The following TP63 variants were observed in gnomAD, a reference collection of about 807,000 sequenced individuals.
TP63 encodes tumor protein p63, also known as tumor protein 63.
A neutral mutation model predicts 82.8 loss-of-function variants in TP63; 17 were observed. The ratio of observed to expected loss-of-function variants is 0.21; its 90% CI spans 0.14 to 0.31. The LOEUF (loss-of-function observed/expected upper bound fraction) is 0.31. Ranked by LOEUF, TP63 falls within the 10% of genes least tolerant of loss-of-function variation. TP63 has a pLI of 1.00. For missense variants in TP63, 648 were observed against 895.3 expected (o/e 0.72, Z 3.52); for synonymous variants, 330 against 321.7 (o/e 1.03, Z -0.28).
At position 189,694,302 on chromosome 3, in the gene TP63, A is replaced by G. The variant is rs1016507002; in HGVS notation, c.63-43438A>G. ...ACATTATTATGGTATATTTGCCACAACGAATGAACTAATAGTGATACATTA... is the reference window on the plus strand; with the variant it reads ...ACATTATTATGGTATATTTGCCACAGCGAATGAACTAATAGTGATACATTA... On this transcript the variant is annotated intron_variant, in intron 1 of 13. Transcript: ENST00000264731. Among the ~76,000 whole-genome samples the G allele has an allele frequency of 5.9e-5, 9 of 152,210 alleles. No individual in the cohort carries two copies. In the South Asian group the frequency reaches 1.0e-3, roughly 18 times the overall value.
At chr3:189,773,991 T>C (rs1018015318) in intron 3 of TP63, among the ~76,000 whole-genome samples, 17 of 145,710 alleles carry the variant, frequency 1.2e-4, no homozygotes, top group African/African-American at 2.8e-4. Context: ...GGCACGATCT[T>C]GGCTCACTGC....
chr3:189,623,737 G>A, the TP63 span, among the ~76,000 whole-genome samples: 1 of 152,102 alleles, frequency 6.6e-6, no homozygotes, highest in Non-Finnish European at 1.5e-5. Flanking sequence ...TAGGAATTTA[G>A]GTCCCATCAC....
At chr3:189,728,553 A>G (rs1218290635) in intron 1 of TP63, among the ~76,000 whole-genome samples, 1 of 152,206 alleles carries the variant, frequency 6.6e-6, no homozygotes, top group Admixed American at 6.5e-5. Flanking sequence ...AAGGATGAAA[A>G]CAACCTGTAG....
chr3:189,621,064 A>G, the TP63 span, among the ~76,000 whole-genome samples: 1 of 152,210 alleles, frequency 6.6e-6, no homozygotes, highest in African/African-American at 2.4e-5. Flanking sequence ...TTATCCCATG[A>G]CTAAAGCTTC....
At chr3:189,869,286 G>C (rs2108808857) in intron 8 of TP63, 38 bp from the exon 9 acceptor site, 1 of 1,522,376 alleles carries the variant, frequency 6.6e-7, no homozygotes, top group South Asian at 1.1e-5. Flanking sequence ...TGCTTTAGAA[G>C]TGTTCCCAGG....
chr3:189,714,264 C>G (rs1416584728), intron 1 of TP63, among the ~76,000 whole-genome samples: 2 of 152,154 alleles, frequency 1.3e-5, no homozygotes, highest in African/African-American at 2.4e-5. Context: ...CTATTATTCT[C>G]TGCCATGACT....
intron 4 of TP63, among the ~76,000 whole-genome samples, chr3:189,828,772 A>G (rs1287493700): frequency 6.6e-6 from 1 of 152,198 alleles, no homozygotes; most frequent in Non-Finnish European, 1.5e-5. Context: ...AAACATATTG[A>G]GCTAAATCTT....
intron 12 of TP63, among the ~76,000 whole-genome samples, chr3:189,890,085 T>C (rs1720860207): frequency 1.3e-5 from 2 of 152,192 alleles, no homozygotes; most frequent in African/African-American, 4.8e-5. Flanking sequence ...AAGAGTAGGT[T>C]CCCAGATTTC....
chr3:189,868,051 G>C (rs748757767), intron 7 of TP63, 109 bp downstream of exon 7: 2 of 899,944 alleles, frequency 2.2e-6, no homozygotes, highest in Non-Finnish European at 3.6e-6. Flanking sequence ...CGGAGAGCTT[G>C]TCCTTTGTGC....
At chr3:189,798,393 A>G (rs1725940726) in intron 3 of TP63, among the ~76,000 whole-genome samples, 1 of 152,080 alleles carries the variant, frequency 6.6e-6, no homozygotes, top group African/African-American at 2.4e-5. Flanking sequence ...AATAGCAAGA[A>G]AGTTTTTGAA....
rs190248048 is a variant in TP63, at chr3:189,844,529, G to A, written c.580-19703G>A. 165 of 160,356 alleles carry A rather than the reference G, an allele frequency of 1.0e-3. No individual in the cohort carries two copies. The East Asian group carries it at 0.013, about 13-fold the overall frequency. 9.9% of individuals were successfully genotyped at this position (160,356 alleles called of 1,614,324 possible). On this transcript the variant is annotated intron_variant, in intron 4 of 13. Transcript: ENST00000264731. ...TCAAACTCCTGACCTGAGGTGATCT[G>A]ACTCGGCCTCCTGAAATGCTGGGAT...
chr3:189,840,501 A>G (rs1198481655), intron 4 of TP63, among the ~76,000 whole-genome samples: 1 of 145,002 alleles, frequency 6.9e-6, no homozygotes, highest in East Asian at 2.0e-4. Context: ...ACAGAGAGAG[A>G]GATGGGAGAG....
chr3:189,849,397 T>C (rs535839984), intron 4 of TP63, among the ~76,000 whole-genome samples: 7 of 152,280 alleles, frequency 4.6e-5, no homozygotes, highest in Middle Eastern at 3.4e-3. Flanking sequence ...ACCTGTGCGA[T>C]ATGACAGATC....
In TP63 at chr3:189,872,839, C is replaced by A. The variant is rs1352588675; in HGVS notation, c.1213-20C>A. 1 of 1,614,122 alleles carries A rather than the reference C, an allele frequency of 6.2e-7. No individual in the cohort carries two copies. The highest frequency in any genetic ancestry group is 2.2e-5 in the East Asian group (1 of 44,866). ...TACAGCTTTTCATGTTTCCTTCTTT[C>A]CTTCTGCTCACTTCCATAGGTGAGG... On this transcript the variant is annotated intron_variant, in intron 9 of 13. Transcript: ENST00000264731.
intron 1 of TP63, among the ~76,000 whole-genome samples, chr3:189,676,271 C>A (rs6805171): frequency 0.31 from 46,972 of 151,862 alleles, 7,528 homozygotes; most frequent in Admixed American, 0.33. Flanking sequence ...ATTTATTCAT[C>A]CTGCATAACT....
intron 4 of TP63, among the ~76,000 whole-genome samples, chr3:189,863,732 C>G (rs959056598): frequency 8.5e-6 from 1 of 117,552 alleles, no homozygotes; most frequent in Admixed American, 8.2e-5. Flanking sequence ...CACTCTCTAA[C>G]AGATATTCCA....
chr3:189,639,976 T>C (rs1295781963), intron 1 of TP63, among the ~76,000 whole-genome samples: 1 of 152,138 alleles, frequency 6.6e-6, no homozygotes, highest in Non-Finnish European at 1.5e-5. Flanking sequence ...ACAGCTTCCT[T>C]AAAAACATCA....
intron 1 of TP63, among the ~76,000 whole-genome samples, chr3:189,725,773 A>C (rs9942139): frequency 0.6 from 91,614 of 151,944 alleles, 27,858 homozygotes; most frequent in Middle Eastern, 0.67. Context: ...ATTATTTTGC[A>C]GGCCGGGTGT....
intron 5 of TP63, 121 bp downstream of exon 5, chr3:189,864,539 GCC>G: frequency 2.2e-6 from 1 of 450,616 alleles, no homozygotes; most frequent in Non-Finnish European, 3.4e-6. Flanking sequence ...AGATCAGTCT[GCC>G]TTTTTTTTTT....
Sources: allele counts gnomAD v4.1 joint callset (sites outside exome capture counted in the v4.1 genomes callset), GRCh38; gene constraint gnomAD v4.1.1; transcripts MANE v1.5; gene names NCBI Gene and HGNC (gene_info 2026-07-23, HGNC 2026-07-21).